The following CLVS1 variants were observed in gnomAD, a reference collection of about 807,000 sequenced individuals.
CLVS1 encodes the protein clavesin 1, also known as clavesin-1.
A neutral mutation model predicts 33.1 loss-of-function variants in CLVS1; 10 were observed. The ratio of observed to expected loss-of-function variants is 0.30; its 90% CI spans 0.19 to 0.51. The LOEUF is 0.51. Among genes scored for constraint, CLVS1 ranks in the 20% least tolerant of loss-of-function variants. CLVS1 has a pLI of 0.97. For synonymous variants in CLVS1, 163 were observed against 166.1 expected (o/e 0.98, Z 0.14); for missense variants, 343 against 433.4 (o/e 0.79, Z 1.85).
chr8:61,115,371 A>T (rs936603849), intron 1 of CLVS1, among the ~76,000 whole-genome samples: 5 of 150,720 alleles, frequency 3.3e-5, no homozygotes, highest in African/African-American at 1.2e-4. Flanking sequence ...ATTTTTATTT[A>T]TTTATTTATT....
rs545875080 is a variant in CLVS1, at chr8:61,475,616, A to G, written c.977+17074A>G. Among the ~76,000 whole-genome samples, 302 of 152,164 alleles carry G rather than the reference A, an allele frequency of 2.0e-3. 1 individual carries two copies. Among genetic ancestry groups the G allele is most frequent in the African/African-American group, 6.0e-3 (250 of 41,522 alleles). On this transcript the variant is annotated intron_variant, in intron 5 of 5. Transcript: ENST00000325897. The stretch of plus-strand genomic sequence containing the variant: ...CTTCTTTTGAGAAGTGTCTGTTCAT[A>G]TCCTTTGTCCACTTTTTGATGGGGT...
the CLVS1 span, among the ~76,000 whole-genome samples, chr8:61,009,637 G>A: frequency 6.6e-6 from 1 of 152,102 alleles, no homozygotes; most frequent in Non-Finnish European, 1.5e-5. Context: ...TGGTCTGTAG[G>A]ACCTCTTTAT....
chr8:61,059,463 C>T (rs11984818), intron 1 of CLVS1, among the ~76,000 whole-genome samples: 43 of 34,526 alleles, frequency 1.2e-3, no homozygotes, highest in African/African-American at 2.7e-3. Flanking sequence ...CACACATATA[C>T]ATACATACAT....
chr8:61,298,775 A>G (rs1810314594), intron 1 of CLVS1, among the ~76,000 whole-genome samples: 1 of 152,196 alleles, frequency 6.6e-6, no homozygotes, highest in Non-Finnish European at 1.5e-5. Context: ...TGGAAACAGT[A>G]TGGGTGTTCC....
At chr8:61,013,924 A>G in the CLVS1 span, among the ~76,000 whole-genome samples, 1 of 152,036 alleles carries the variant, frequency 6.6e-6, no homozygotes, top group Non-Finnish European at 1.5e-5. Flanking sequence ...TGTCCCTGTC[A>G]TTGTAGCAGA....
intron 5 of CLVS1, chr8:61,465,481 T>C (rs1436988631): frequency 6.6e-6 from 1 of 152,170 alleles, no homozygotes; most frequent in Admixed American, 6.6e-5. Flanking sequence ...AACCCTTATG[T>C]AGAAAAAACA....
chr8:61,211,398 A>ACCT (rs1807967913), intron 2 of CLVS1, among the ~76,000 whole-genome samples: 1 of 91,782 alleles, frequency 1.1e-5, no homozygotes, highest in Non-Finnish European at 2.1e-5. Context: ...TTCCCCCTTT[A>ACCT]CCTCCTCCTC....
intron 2 of CLVS1, among the ~76,000 whole-genome samples, chr8:61,212,982 G>A (rs970072797): frequency 7.2e-5 from 11 of 152,062 alleles, no homozygotes; most frequent in Admixed American, 2.0e-4. Flanking sequence ...CAAGCCCACC[G>A]GTTAGGTTAG....
At chr8:60,973,289 A>G in the CLVS1 span, among the ~76,000 whole-genome samples, 2 of 152,244 alleles carry the variant, frequency 1.3e-5, no homozygotes, top group Non-Finnish European at 2.9e-5. Context: ...TTCTCCTTAT[A>G]CAAAATTAAA....
chr8:61,288,283 G>A (rs768287914), intron 1 of CLVS1, 145 bp downstream of exon 1: 44 of 455,976 alleles, frequency 9.6e-5, no homozygotes, highest in South Asian at 6.6e-4. Context: ...CATCCCTCCC[G>A]CACCGCACCC....
chr8:61,403,833 G>A (rs897630083), intron 3 of CLVS1, among the ~76,000 whole-genome samples: 2 of 152,176 alleles, frequency 1.3e-5, no homozygotes, highest in African/African-American at 4.8e-5. Flanking sequence ...ACGAAAACAT[G>A]TAGAAAGGAT....
intron 2 of CLVS1, among the ~76,000 whole-genome samples, chr8:61,256,945 TA>T (rs1479065065): frequency 6.6e-6 from 1 of 152,244 alleles, no homozygotes; most frequent in Non-Finnish European, 1.5e-5. Context: ...TTACTGGAGG[TA>T]TAAGTTTATA....
At chr8:61,215,861 T>C (rs1283000559) in intron 2 of CLVS1, among the ~76,000 whole-genome samples, 2 of 152,150 alleles carry the variant, frequency 1.3e-5, no homozygotes, top group Non-Finnish European at 2.9e-5. Flanking sequence ...GAAGCTGACC[T>C]TGGGTAAATG....
intron 2 of CLVS1, among the ~76,000 whole-genome samples, chr8:61,213,590 A>T (rs1000581421): frequency 1.4e-4 from 22 of 151,986 alleles, no homozygotes; most frequent in African/African-American, 5.1e-4. Context: ...AATTGTAAAG[A>T]TTTCATGGAC....
At chr8:61,050,158 T>G in the CLVS1 span, among the ~76,000 whole-genome samples, 26 of 151,772 alleles carry the variant, frequency 1.7e-4, no homozygotes, top group African/African-American at 6.1e-4. Flanking sequence ...TTCCCATTCA[T>G]GTCTTTAATT....
At chr8:61,220,305 GT>G (rs1308276108) in intron 2 of CLVS1, among the ~76,000 whole-genome samples, 1 of 144,234 alleles carries the variant, frequency 6.9e-6, no homozygotes, top group Non-Finnish European at 1.5e-5. Context: ...TTACATTTAA[GT>G]TTTTAATCCA....
At chr8:61,458,995 A>G (rs1359030565) in intron 5 of CLVS1, among the ~76,000 whole-genome samples, 1 of 152,236 alleles carries the variant, frequency 6.6e-6, no homozygotes. Context: ...ACAGAGAAGT[A>G]TGCCTCAGGG....
chr8:61,047,311 T>G, the CLVS1 span, among the ~76,000 whole-genome samples: 4 of 152,122 alleles, frequency 2.6e-5, no homozygotes, highest in African/African-American at 4.8e-5. Flanking sequence ...GAAACAACAG[T>G]TGCTGGAGAG....
chr8:61,280,874 C>G (rs1255279407), intron 2 of CLVS1, among the ~76,000 whole-genome samples: 1 of 152,154 alleles, frequency 6.6e-6, no homozygotes, highest in African/African-American at 2.4e-5. Context: ...GCAATCCACC[C>G]ACCTAGGCCT....
Sources: gnomAD v4.1 joint callset for allele counts (sites outside exome capture counted in the v4.1 genomes callset) on GRCh38, gnomAD v4.1.1 for gene constraint, MANE v1.5 for transcripts, NCBI Gene and HGNC (gene_info 2026-07-23, HGNC 2026-07-21) for gene names.